Variants in ARID2 observed in about 807,000 individuals in gnomAD.
ARID2 encodes the protein AT-rich interaction domain 2, also known as AT-rich interactive domain-containing protein 2.
Under a neutral mutation model 184.6 loss-of-function variants are expected in ARID2, and 32 were observed. The ratio of observed to expected loss-of-function variants is 0.17; its 90% confidence interval spans 0.13 to 0.23. The LOEUF (loss-of-function observed/expected upper bound fraction) is 0.23, where lower values mean the gene tolerates loss of function less well. Among genes scored for constraint, ARID2 ranks in the 10% least tolerant of loss-of-function variants. The pLI, the probability that ARID2 is intolerant of heterozygous loss-of-function variation, is 1.00. For synonymous variants in ARID2, 836 were observed against 772.6 expected, an observed-to-expected ratio of 1.08 and a Z score of -1.36; for missense variants, 1,696 against 2,197.6, an observed-to-expected ratio of 0.77 and a Z score of 4.56.
At chr12:45,871,709 T>C (rs1206784976) in intron 16 of ARID2, among the ~76,000 whole-genome samples, 6 of 152,180 alleles carry the variant, frequency 3.9e-5, no homozygotes, top group African/African-American at 7.2e-5. Context: ...TTTAATTATT[T>C]GTTGTGAATT....
intron 3 of ARID2, among the ~76,000 whole-genome samples, chr12:45,743,289 A>G (rs1277432906): frequency 6.6e-6 from 1 of 151,892 alleles, no homozygotes; most frequent in Non-Finnish European, 1.5e-5. Flanking sequence ...GAAAGGCTTG[A>G]ACCCAGGAGG....
intron 3 of ARID2, among the ~76,000 whole-genome samples, chr12:45,769,908 A>C (rs1941836832): frequency 6.6e-6 from 1 of 152,160 alleles, no homozygotes. Context: ...AGGGGAAAAA[A>C]CCAAACAAAC....
intron 3 of ARID2, among the ~76,000 whole-genome samples, chr12:45,738,972 C>CT (rs573275434): frequency 5.3e-4 from 79 of 149,784 alleles, no homozygotes; most frequent in Non-Finnish European, 8.6e-4. Flanking sequence ...AGAGTGTTGT[C>CT]TTTTTTTTTC....
In ARID2 at chr12:45,850,974, C is replaced by G. The variant is rs1442075216; in HGVS notation, c.2851C>G (p.Pro951Ala). 6.2e-7 allele frequency: 1 copy of G among 1,614,178 alleles called. No individual in the cohort carries two copies. Among genetic ancestry groups the G allele is most frequent in the Non-Finnish European group, 8.5e-7 (1 of 1,180,024 alleles). ...PAIHQIVLAN[P>A]AALPAGQTVQ... ...CATTCACCAAATTGTTCTTGCTAATCCAGCAGCTCTTCCAGCTGGTCAGAC... is the reference window on the plus strand; with the variant it reads ...CATTCACCAAATTGTTCTTGCTAATGCAGCAGCTCTTCCAGCTGGTCAGAC... Residue 951 changes from proline to alanine, a missense_variant, in exon 15 of 21, where the codon CCA (proline) becomes GCA (alanine). Transcript: ENST00000334344.
chr12:45,904,711 AAAAG>A (rs1174980180), intron 20 of ARID2, among the ~76,000 whole-genome samples: 8 of 151,286 alleles, frequency 5.3e-5, no homozygotes, highest in East Asian at 1.9e-4. Flanking sequence ...AAAAAAAAAA[AAAAG>A]GTACTATGCA....
chr12:45,785,370 A>G (rs1942177019), intron 3 of ARID2, among the ~76,000 whole-genome samples: 1 of 152,134 alleles, frequency 6.6e-6, no homozygotes, highest in African/African-American at 2.4e-5. Flanking sequence ...ATCATCTTTC[A>G]TTATATTAAA....
At chr12:45,804,471 A>G (rs1565602571) in intron 3 of ARID2, among the ~76,000 whole-genome samples, 1 of 150,734 alleles carries the variant, frequency 6.6e-6, no homozygotes, top group South Asian at 2.1e-4. Flanking sequence ...TAGTTTTTCT[A>G]GTGTGTGCGT....
At position 45,807,425 on chromosome 12, in the gene ARID2, C is replaced by T. The variant is rs373373706; in HGVS notation, c.285-3993C>T. ...TATAAGTATTCTACCAAAATATTTA[C>T]AGATGAGGTTATATGATATCTGAGA... On this transcript the variant is annotated intron_variant, in intron 3 of 20. Transcript: ENST00000334344. Among the ~76,000 whole-genome samples the T allele has an allele frequency of 3.9e-5, 6 of 152,058 alleles. No homozygotes were observed. The East Asian group carries it at 9.6e-4, about 24-fold the overall frequency.
In ARID2 at chr12:45,811,277, G is replaced by A. The variant is rs1049381492; in HGVS notation, c.285-141G>A. ...TATCTTACTCTAAACTGGAGTTACT[G>A]TTCTAATATAAGAGGTTTATGGTAT... On this transcript the variant is annotated intron_variant, in intron 3 of 20. Transcript: ENST00000334344. 1.0e-5 allele frequency: 9 copies of A among 872,082 alleles called. No individual in the cohort carries two copies. In the African/African-American group the frequency reaches 1.2e-4, roughly 12 times the overall value. The allele number at this position is 872,082 out of a possible 1,614,324, so 54.0% of individuals were successfully genotyped here.
At chr12:45,888,360 A>G (rs968076542) in intron 16 of ARID2, among the ~76,000 whole-genome samples, 1 of 152,242 alleles carries the variant, frequency 6.6e-6, no homozygotes, top group African/African-American at 2.4e-5. Flanking sequence ...CCAAAGTTGA[A>G]TTGCAGATAG....
intron 6 of ARID2, among the ~76,000 whole-genome samples, chr12:45,823,917 C>G (rs137992760): frequency 8.5e-4 from 130 of 152,232 alleles, no homozygotes; most frequent in African/African-American, 3.0e-3. Flanking sequence ...GGAGAGAACT[C>G]TCCTTAACTC....
rs367655688 is a variant in ARID2, at chr12:45,817,294, C to T, written c.419-376C>T. Among the ~76,000 whole-genome samples the T allele has an allele frequency of 1.5e-3, 226 of 152,046 alleles. 1 individual carries two copies. The highest frequency in any genetic ancestry group is 5.2e-3 in the African/African-American group (216 of 41,478). On this transcript the variant is annotated intron_variant, in intron 4 of 20. Transcript: ENST00000334344. ...ACTTGAGCTTGGGAGATTGAGGCTG[C>T]AGTGAGCTATGAAAGCGACATTGCA...
intron 3 of ARID2, among the ~76,000 whole-genome samples, chr12:45,754,822 G>A (rs1424982612): frequency 1.3e-5 from 2 of 152,154 alleles, no homozygotes; most frequent in Admixed American, 1.3e-4. Context: ...ACTAATTAGT[G>A]CATAGGAGTT....
intron 3 of ARID2, among the ~76,000 whole-genome samples, chr12:45,749,936 C>G (rs1446739738): frequency 6.6e-6 from 1 of 152,174 alleles, no homozygotes; most frequent in African/African-American, 2.4e-5. Context: ...CTCAGACTTT[C>G]TACTTACCAG....
At chr12:45,898,314 G>A (rs927561498) in intron 20 of ARID2, among the ~76,000 whole-genome samples, 7 of 152,304 alleles carry the variant, frequency 4.6e-5, no homozygotes, top group African/African-American at 4.8e-5. Flanking sequence ...AGTGGGTAGA[G>A]AGTTCCATTA....
chr12:45,825,093 T>A (rs538578588), intron 6 of ARID2, among the ~76,000 whole-genome samples: 4 of 151,902 alleles, frequency 2.6e-5, no homozygotes, highest in South Asian at 4.2e-4. Flanking sequence ...CTAGGAAGGG[T>A]CAGAGGGTGA....
At chr12:45,804,215 G>A (rs913683119) in intron 3 of ARID2, among the ~76,000 whole-genome samples, 1 of 152,152 alleles carries the variant, frequency 6.6e-6, no homozygotes, top group South Asian at 2.1e-4. Context: ...CAACAAAGGA[G>A]TCATAGGAGA....
chr12:45,793,027 A>T (rs1942321134), intron 3 of ARID2, among the ~76,000 whole-genome samples: 1 of 152,108 alleles, frequency 6.6e-6, no homozygotes, highest in Non-Finnish European at 1.5e-5. Flanking sequence ...GGCCGGGTGC[A>T]GTGGCTCACG....
rs1259561223 is a variant in ARID2, at chr12:45,850,374, C to T, written c.2251C>T (p.Pro751Ser). ...TGTTGTTCAGAATCATAGTACAGGG[C>T]CACAACCTGTTACAGTTGTGAATTC... ...SSVVQNHSTG[P>S]QPVTVVNSQT... is the part of the protein sequence containing the mutation. The change falls in exon 15 of 21, where the codon CCA becomes TCA. Residue 751 changes from proline to serine, a missense_variant. Pro to Ser is a moderately conservative substitution (Grantham distance 74). Transcript: ENST00000334344. 2.5e-6 allele frequency: 4 copies of T among 1,613,930 alleles called. No individual in the cohort carries two copies. In the African/African-American group the frequency reaches 4.0e-5, roughly 16 times the overall value.
Sources: allele counts gnomAD v4.1 joint callset (sites outside exome capture counted in the v4.1 genomes callset), GRCh38; gene constraint gnomAD v4.1.1; transcripts MANE v1.5; gene names NCBI Gene and HGNC (gene_info 2026-07-23, HGNC 2026-07-21).